Variants in PHLPP2 observed in about 807,000 individuals in gnomAD.
The protein encoded by PHLPP2 is PH domain and leucine rich repeat protein phosphatase 2, also known as PH domain leucine-rich repeat-containing protein phosphatase 2.
In PHLPP2, 66 loss-of-function variants were observed where a neutral mutation model predicts 124.9. The observed-to-expected ratio is 0.53, with a 90% CI of 0.43 to 0.65. PHLPP2 has a LOEUF of 0.65. PHLPP2 is among the 30% of genes least tolerant of loss of function. PHLPP2 has a pLI of 0.00. For synonymous variants in PHLPP2, 681 were observed against 624.7 expected, an observed-to-expected ratio of 1.09 and a Z score of -1.34; for missense variants, 1,685 against 1,600.4, an observed-to-expected ratio of 1.05 and a Z score of -0.90.
At chr16:71,685,084 T>C (rs923835603) in intron 4 of PHLPP2, among the ~76,000 whole-genome samples, 1 of 152,120 alleles carries the variant, frequency 6.6e-6, no homozygotes, top group Non-Finnish European at 1.5e-5. Context: ...TCCCAGCACT[T>C]TGGGAGGCCG....
chr16:71,663,860 T>G, intron 13 of PHLPP2, 39 bp downstream of exon 13: 2 of 1,418,976 alleles, frequency 1.4e-6, no homozygotes, highest in Non-Finnish European at 2.0e-6. Flanking sequence ...AGAATTAATG[T>G]TGTGTATTTG....
intron 1 of PHLPP2, chr16:71,715,072 C>A (rs2045352857): frequency 4.6e-6 from 2 of 433,866 alleles, no homozygotes; most frequent in Non-Finnish European, 8.3e-6. Context: ...AACGAAACAG[C>A]GGGTTGCAGT....
In PHLPP2 at chr16:71,647,426, C is replaced by T. The variant is rs973869886; in HGVS notation, c.*1464G>A. 3 of 152,612 alleles carry T rather than the reference C, an allele frequency of 2.0e-5. No homozygotes were observed. The highest frequency in any genetic ancestry group is 2.9e-5 in the Non-Finnish European group (2 of 68,034). The allele number at this position is 152,612 out of a possible 1,614,324, so 9.5% of individuals were successfully genotyped here. A position where few individuals can be genotyped will look rare whatever the true frequency, so the allele number is the denominator to read the frequency against. On this transcript the variant is annotated 3_prime_UTR_variant, in exon 19 of 19. Coordinates refer to ENST00000568954, the MANE Select transcript of PHLPP2 (RefSeq NM_015020.3). ...TGAATATGCAGTTTTCAGAAGAGTA[C>T]ACTGTTCAACATTCAAGAGGCGAGC...
At position 71,649,293 on chromosome 16, in the gene PHLPP2, G is replaced by A. The variant is rs1664008203; in HGVS notation, c.3569C>T (p.Pro1190Leu). ...ENSPPLIESS[P>L]TLCSEEHARG... is the part of the protein sequence containing the mutation. ...AGCATGTTCCTCAGAACACAGGGTA[G>A]GAGAACTCTCTATGAGAGGGGGTGA... The change falls in exon 19 of 19, where the codon CCT becomes CTT. Residue 1190 changes from proline (P) to leucine (L), a missense_variant. Physicochemically the swap from Pro to Leu is moderately conservative, Grantham distance 98 (BLOSUM62 -3). Coordinates refer to ENST00000568954, the MANE Select transcript of PHLPP2 (RefSeq NM_015020.3). The A allele has an allele frequency of 6.2e-7, 1 of 1,613,988 alleles. No individual in the cohort carries two copies.
chr16:71,686,220 TG>T (rs774126816), intron 4 of PHLPP2, among the ~76,000 whole-genome samples: 34 of 152,362 alleles, frequency 2.2e-4, no homozygotes, highest in Middle Eastern at 3.4e-3. Flanking sequence ...TCACCCAGGC[TG>T]GAGTACAATG....
chr16:71,650,797 T>C (rs1187119596), intron 18 of PHLPP2, among the ~76,000 whole-genome samples: 2 of 152,242 alleles, frequency 1.3e-5, no homozygotes, highest in African/African-American at 4.8e-5. Context: ...CCTGAGCTTA[T>C]TCGCCAGAAT....
At chr16:71,684,662 A>G in intron 4 of PHLPP2, 61 bp from the exon 5 acceptor site, 1 of 1,479,938 alleles carries the variant, frequency 6.8e-7, no homozygotes, top group East Asian at 2.3e-5. Context: ...GTCAAAAAGC[A>G]AAAGGCAATC....
At chr16:71,660,402 A>C in intron 13 of PHLPP2, among the ~76,000 whole-genome samples, 1 of 135,108 alleles carries the variant, frequency 7.4e-6, no homozygotes, top group Admixed American at 7.6e-5. Flanking sequence ...AAAAAAAGGT[A>C]CTATATTATA....
chr16:71,694,362 G>A (rs2045146632), intron 3 of PHLPP2, among the ~76,000 whole-genome samples: 1 of 152,070 alleles, frequency 6.6e-6, no homozygotes, highest in Non-Finnish European at 1.5e-5. Flanking sequence ...TCAGGAGGCT[G>A]AGGCAGGAGA....
At chr16:71,707,249 CCG>C (rs1231089006) in intron 2 of PHLPP2, among the ~76,000 whole-genome samples, 1 of 152,014 alleles carries the variant, frequency 6.6e-6, no homozygotes, top group African/African-American at 2.4e-5. Context: ...GCCACCGCGC[CCG>C]GCCAAGATAC....
At position 71,650,014 on chromosome 16, in the gene PHLPP2, T is replaced by C. The variant is rs747200736; in HGVS notation, c.2848A>G (p.Thr950Ala). 6.2e-7 allele frequency: 1 copy of C among 1,609,780 alleles called. No homozygotes were observed. The highest frequency in any genetic ancestry group is 1.3e-5 in the African/African-American group (1 of 74,914). Residue 950 changes from threonine to alanine, a missense_variant, in exon 19 of 19, where the codon ACC becomes GCC. Transcript: ENST00000568954. ...DNKVNGVTCC[T>A]RMLGCTYLYP... Reference sequence around the variant, plus strand: ...AGGTATGTACAGCCCAGCATCCGGGTACAGCAGGTTACCCCATTCACTTTG... The same window carrying C: ...AGGTATGTACAGCCCAGCATCCGGGCACAGCAGGTTACCCCATTCACTTTG...
At chr16:71,696,463 C>T (rs1255544024) in intron 3 of PHLPP2, among the ~76,000 whole-genome samples, 2 of 151,954 alleles carry the variant, frequency 1.3e-5, no homozygotes, top group Non-Finnish European at 2.9e-5. Context: ...ATGGTGAAAC[C>T]CTGTCTCTAC....
intron 5 of PHLPP2, among the ~76,000 whole-genome samples, chr16:71,684,125 CTTT>C (rs397816254): frequency 3.4e-5 from 4 of 118,824 alleles, no homozygotes; most frequent in African/African-American, 3.1e-5. Flanking sequence ...TTGAGGTACT[CTTT>C]TTTTTTTTTT....
At chr16:71,672,196 C>A (rs1311670052) in intron 10 of PHLPP2, 66 bp downstream of exon 10, 1 of 1,196,740 alleles carries the variant, frequency 8.4e-7, no homozygotes, top group Non-Finnish European at 1.2e-6. Flanking sequence ...ATCAAAACTG[C>A]CAAAAAATCC....
rs143782234 is a variant in PHLPP2 at position 71,649,310 on chromosome 16, A to G, written c.3552T>C (p.Pro1184=). Residue 1184 remains proline, a synonymous_variant, in exon 19 of 19, where the codon CCT becomes CCC. Coordinates refer to ENST00000568954, the MANE Select transcript of PHLPP2 (RefSeq NM_015020.3). ...CRGRDLENSP[P]LIESSPTLCS... ...ACAGGGTAGGAGAACTCTCTATGAG[A>G]GGGGGTGAGTTCTCCAGATCCCTCC... The G allele has an allele frequency of 7.9e-5, 127 of 1,613,810 alleles. No individual in the cohort carries two copies. The African/African-American group carries it at 1.4e-3, about 18-fold the overall frequency.
intron 12 of PHLPP2, 129 bp from the exon 13 acceptor site, chr16:71,664,228 C>G (rs761024474): frequency 6.0e-6 from 4 of 664,468 alleles, no homozygotes; most frequent in Non-Finnish European, 1.0e-5. Flanking sequence ...AAAAAAAAAT[C>G]TCCACGTAGT....
rs372460382 is a variant in PHLPP2, at chr16:71,715,991, CA to C, written c.-6-1191del. 7.6e-3 allele frequency among the ~76,000 whole-genome samples: 751 copies of C among 98,424 alleles called. 10 individuals carry two copies. The highest frequency in any genetic ancestry group is 0.021 in the African/African-American group (628 of 29,716). 64.6% of individuals were successfully genotyped at this position (98,424 alleles called of 152,430 possible). A position where few individuals can be genotyped will look rare whatever the true frequency, so the allele number is the denominator to read the frequency against. On this transcript the variant is annotated intron_variant, in intron 1 of 18. Transcript: ENST00000568954. The stretch of plus-strand genomic sequence containing the variant: ...AGTCTGGGCAACAGAGACTCTGTCT[CA>C]AAAAAAAAAAAAAAACTTTAATCTA...
At chr16:71,711,799 C>A (rs2045325776) in intron 2 of PHLPP2, among the ~76,000 whole-genome samples, 2 of 152,292 alleles carry the variant, frequency 1.3e-5, no homozygotes, top group South Asian at 4.2e-4. Flanking sequence ...TGACAAAGGG[C>A]TTTTACGCAG....
At chr16:71,690,735 T>A in intron 3 of PHLPP2, 26 bp from the exon 4 acceptor site, 2 of 1,509,406 alleles carry the variant, frequency 1.3e-6, no homozygotes, top group Non-Finnish European at 1.8e-6. Flanking sequence ...TACTTCAGAA[T>A]CCACCATTAA....
Sources: allele counts gnomAD v4.1 joint callset (sites outside exome capture counted in the v4.1 genomes callset), GRCh38; gene constraint gnomAD v4.1.1; transcripts MANE v1.5; gene names NCBI Gene and HGNC (gene_info 2026-07-23, HGNC 2026-07-21).